The following HECW2 variants were observed in gnomAD, a reference collection of about 807,000 sequenced individuals.
HECW2 encodes HECT, C2 and WW domain containing E3 ubiquitin protein ligase 2.
HECW2 carries 61 observed loss-of-function variants against 175.2 expected under a neutral mutation model. The observed-to-expected ratio is 0.35, with a 90% confidence interval of 0.28 to 0.43. The LOEUF (loss-of-function observed/expected upper bound fraction) is 0.43, where lower values mean the gene tolerates loss of function less well. Ranked by LOEUF, HECW2 falls within the 20% of genes least tolerant of loss-of-function variation. The pLI, the probability that HECW2 is intolerant of heterozygous loss-of-function variation, is 1.00. For synonymous variants in HECW2, 671 were observed against 731.0 expected, an observed-to-expected ratio of 0.92 and a Z score of 1.32; for missense variants, 1,524 against 2,000.5, an observed-to-expected ratio of 0.76 and a Z score of 4.54.
At chr2:196,309,665 A>G (rs892415457) in intron 10 of HECW2, among the ~76,000 whole-genome samples, 1 of 152,228 alleles carries the variant, frequency 6.6e-6, no homozygotes, top group African/African-American at 2.4e-5. Flanking sequence ...TCAGGCACAT[A>G]GACATCAAAT....
intron 14 of HECW2, chr2:196,290,267 T>A (rs994442692): frequency 6.6e-6 from 1 of 152,228 alleles, no homozygotes; most frequent in Non-Finnish European, 1.5e-5. Flanking sequence ...GTTGAGATAA[T>A]GTTTACTCCT....
intron 2 of HECW2, among the ~76,000 whole-genome samples, chr2:196,378,752 ATAATT>A: frequency 6.6e-6 from 1 of 152,256 alleles, no homozygotes; most frequent in Non-Finnish European, 1.5e-5. Flanking sequence ...AAGAAATAAG[ATAATT>A]ACAAAATTCA....
At chr2:196,552,681 T>C (rs1689643903) in intron 1 of HECW2, among the ~76,000 whole-genome samples, 1 of 152,168 alleles carries the variant, frequency 6.6e-6, no homozygotes, top group Non-Finnish European at 1.5e-5. Context: ...TTAAGTGTCT[T>C]ACCTCCTCTT....
chr2:196,520,028 G>A (rs1688298601), intron 1 of HECW2, among the ~76,000 whole-genome samples: 1 of 152,144 alleles, frequency 6.6e-6, no homozygotes, highest in Non-Finnish European at 1.5e-5. Flanking sequence ...CCATGAACAT[G>A]ATACAAAACT....
At chr2:196,216,049 C>T (rs1687464837) in intron 27 of HECW2, 72 bp from the exon 28 acceptor site, 1 of 1,023,276 alleles carries the variant, frequency 9.8e-7, no homozygotes, top group African/African-American at 1.6e-5. Flanking sequence ...TCACGTCATT[C>T]ACGGGCAGAG....
At position 196,229,116 on chromosome 2, in the gene HECW2, C is replaced by T. The variant is rs139841056; in HGVS notation, c.3765-862G>A. Among the ~76,000 whole-genome samples, 885 of 152,112 alleles carry T rather than the reference C, an allele frequency of 5.8e-3. 5 individuals are homozygous for T. Among genetic ancestry groups the T allele is most frequent in the Non-Finnish European group, 9.6e-3 (652 of 67,988 alleles). On this transcript the variant is annotated intron_variant, in intron 21 of 28. Transcript: ENST00000644978. ...TTAAAATGAAAAATATAAAGTACATCGACCCTATGATAAAAAGTATACACG... is the reference window on the plus strand; with the variant it reads ...TTAAAATGAAAAATATAAAGTACATTGACCCTATGATAAAAAGTATACACG...
At chr2:196,393,599 A>G (rs1177233377) in intron 2 of HECW2, among the ~76,000 whole-genome samples, 2 of 152,332 alleles carry the variant, frequency 1.3e-5, no homozygotes, top group South Asian at 2.1e-4. Flanking sequence ...CAAAACCACA[A>G]TGAGATACCA....
intron 1 of HECW2, among the ~76,000 whole-genome samples, chr2:196,511,442 A>G (rs1687949720): frequency 6.6e-6 from 1 of 152,174 alleles, no homozygotes; most frequent in African/African-American, 2.4e-5. Context: ...CCTCAAGCCT[A>G]CTTCACTGAT....
At chr2:196,301,373 A>T (rs1691045550) in intron 13 of HECW2, among the ~76,000 whole-genome samples, 1 of 152,168 alleles carries the variant, frequency 6.6e-6, no homozygotes, top group Non-Finnish European at 1.5e-5. Context: ...AATGATTTAT[A>T]TTCCTTTAGT....
At chr2:196,495,720 C>A (rs1343860904) in intron 1 of HECW2, among the ~76,000 whole-genome samples, 1 of 152,138 alleles carries the variant, frequency 6.6e-6, no homozygotes, top group Admixed American at 6.5e-5. Flanking sequence ...AATAATGAAT[C>A]CAAATGAGAA....
At chr2:196,376,303 A>G (rs1432596990) in intron 2 of HECW2, among the ~76,000 whole-genome samples, 1 of 152,216 alleles carries the variant, frequency 6.6e-6, no homozygotes, top group Non-Finnish European at 1.5e-5. Context: ...ACTGAGAAGT[A>G]AAAAACAAGA....
At chr2:196,320,017 T>C (rs1257324342) in intron 8 of HECW2, 113 bp from the exon 9 acceptor site, 2 of 1,090,242 alleles carry the variant, frequency 1.8e-6, no homozygotes, top group East Asian at 2.6e-5. Context: ...TTCTGAGGGC[T>C]TTCTACTGAC....
chr2:196,256,139 T>C (rs1689047857), intron 18 of HECW2, among the ~76,000 whole-genome samples: 2 of 152,200 alleles, frequency 1.3e-5, no homozygotes. Flanking sequence ...TCACTAATTA[T>C]ATTACTTATT....
intron 21 of HECW2, among the ~76,000 whole-genome samples, chr2:196,236,105 G>A (rs763578496): frequency 2.0e-5 from 3 of 152,074 alleles, no homozygotes; most frequent in Non-Finnish European, 4.4e-5. Flanking sequence ...AGACAACACA[G>A]TTGACATAAG....
intron 3 of HECW2, among the ~76,000 whole-genome samples, chr2:196,335,000 T>C (rs1263978339): frequency 6.6e-6 from 1 of 152,184 alleles, no homozygotes; most frequent in Non-Finnish European, 1.5e-5. Flanking sequence ...ACTCATAACC[T>C]CTATCTACAT....
At chr2:196,231,430 C>G (rs1273608412) in intron 21 of HECW2, among the ~76,000 whole-genome samples, 1 of 152,190 alleles carries the variant, frequency 6.6e-6, no homozygotes, top group African/African-American at 2.4e-5. Context: ...TAAAAAAATA[C>G]TGCTAATAGA....
rs550733857 is a variant in HECW2, at chr2:196,569,660, T to C, written c.-36+23848A>G. ...CTTCCCAGGACCCCCGATTTGTGCCTATTGTCCCAGTGTAATTATCATACT... is the reference window on the plus strand; with the variant it reads ...CTTCCCAGGACCCCCGATTTGTGCCCATTGTCCCAGTGTAATTATCATACT... On this transcript the variant is annotated intron_variant, in intron 1 of 28. Coordinates refer to ENST00000644978, the MANE Select transcript of HECW2 (RefSeq NM_001348768.2). Among the ~76,000 whole-genome samples the C allele has an allele frequency of 9.2e-5, 14 of 152,336 alleles. No individual in the cohort carries two copies. The East Asian group carries it at 2.3e-3, about 25-fold the overall frequency.
In HECW2 at chr2:196,561,287, G is replaced by T. The variant is rs539260759; in HGVS notation, c.-36+32221C>A. ...CCTGCAGTGCCGCCAGGCTTGCTAG[G>T]ATTAGGAAATTCCAGCCTGGCAAAT... On this transcript the variant is annotated intron_variant, in intron 1 of 28. Transcript: ENST00000644978. 9.2e-4 allele frequency among the ~76,000 whole-genome samples: 140 copies of T among 152,314 alleles called. 1 individual carries two copies. Among genetic ancestry groups the T allele is most frequent in the African/African-American group, 3.3e-3 (139 of 41,568 alleles).
At chr2:196,548,230 T>C (rs561446441) in intron 1 of HECW2, among the ~76,000 whole-genome samples, 1 of 151,268 alleles carries the variant, frequency 6.6e-6, no homozygotes, top group East Asian at 1.9e-4. Flanking sequence ...CTCAGGAGGC[T>C]GAGGCAGGAG....
Sources: gnomAD v4.1 joint callset for allele counts (sites outside exome capture counted in the v4.1 genomes callset) on GRCh38, gnomAD v4.1.1 for gene constraint, MANE v1.5 for transcripts, NCBI Gene and HGNC (gene_info 2026-07-23, HGNC 2026-07-21) for gene names.